Variants in ELL2 observed in about 807,000 individuals in gnomAD.
The protein encoded by ELL2 is elongation factor for RNA polymerase II 2, also known as RNA polymerase II elongation factor ELL2.
In ELL2, 21 loss-of-function variants were observed where a neutral mutation model predicts 72.8. The observed-to-expected ratio is 0.29, with a 90% CI of 0.20 to 0.42. ELL2 has a LOEUF of 0.42. Ranked by LOEUF, ELL2 falls within the 10% of genes least tolerant of loss-of-function variation. ELL2 has a pLI of 1.00. For missense variants in ELL2, 568 were observed against 772.8 expected (o/e 0.73, Z 3.14); for synonymous variants, 266 against 283.2 (o/e 0.94, Z 0.61).
rs530889872 is a variant in ELL2, at chr5:95,903,505, A to AGGGGTGAGCCACGG, written c.742-2439_742-2426dup. Among the ~76,000 whole-genome samples the AGGGGTGAGCCACGG allele has an allele frequency of 1.3e-4, 20 of 152,190 alleles. No individual in the cohort carries two copies. The East Asian group carries it at 2.9e-3, about 22-fold the overall frequency. ...CGGCCTCCTAAAGCGCTGGGATTACAGGGGTGAGCCACGGCGCCTGGCCTA... is the reference window on the plus strand; with the variant it reads ...CGGCCTCCTAAAGCGCTGGGATTACAGGGGTGAGCCACGGGGGGTGAGCCACGGCGCCTGGCCTA... On this transcript the variant is annotated intron_variant, in intron 5 of 11. Coordinates refer to ENST00000237853, the MANE Select transcript of ELL2 (RefSeq NM_012081.6).
intron 5 of ELL2, among the ~76,000 whole-genome samples, chr5:95,902,891 C>A (rs905259429): frequency 2.0e-5 from 3 of 152,048 alleles, no homozygotes; most frequent in Non-Finnish European, 4.4e-5. Flanking sequence ...AGGTGGTACT[C>A]CCACCTCAGC....
intron 1 of ELL2, among the ~76,000 whole-genome samples, chr5:95,954,734 C>T (rs996647303): frequency 3.3e-5 from 5 of 151,600 alleles, no homozygotes; most frequent in African/African-American, 1.2e-4. Flanking sequence ...GCCACTGCGC[C>T]CGGCCAATAT....
chr5:95,935,923 T>C (rs1467551175), intron 2 of ELL2, among the ~76,000 whole-genome samples: 1 of 152,208 alleles, frequency 6.6e-6, no homozygotes, highest in African/African-American at 2.4e-5. Flanking sequence ...TCTGACCACA[T>C]GACTCCCTGG....
At chr5:95,908,741 T>C (rs1213418772) in intron 4 of ELL2, among the ~76,000 whole-genome samples, 1 of 152,204 alleles carries the variant, frequency 6.6e-6, no homozygotes, top group Non-Finnish European at 1.5e-5. Flanking sequence ...TAATAGGAAA[T>C]ATTTTTTAAA....
chr5:95,888,793 T>C lies in ELL2; in HGVS notation c.*78A>G, dbSNP rs1026997178. On this transcript the variant is annotated 3_prime_UTR_variant, in exon 12 of 12. Transcript: ENST00000237853. The stretch of plus-strand genomic sequence containing the variant: ...TTCAACAGCCAAAGTTTCACCTTTT[T>C]AGAATCTAGAGCAACTCATTTGGAA... The C allele has an allele frequency of 9.8e-7, 1 of 1,025,252 alleles. No homozygotes were observed. Among genetic ancestry groups the C allele is most frequent in the African/African-American group, 1.7e-5 (1 of 59,866 alleles). The allele number at this position is 1,025,252 out of a possible 1,614,324, so 63.5% of individuals were successfully genotyped here.
At chr5:95,946,144 G>C (rs1050883604) in intron 1 of ELL2, among the ~76,000 whole-genome samples, 2 of 152,210 alleles carry the variant, frequency 1.3e-5, no homozygotes, top group Admixed American at 6.5e-5. Context: ...AATAGATGGA[G>C]AGAGATGGAT....
chr5:95,925,330 G>C (rs1461353459), intron 2 of ELL2, among the ~76,000 whole-genome samples: 1 of 152,152 alleles, frequency 6.6e-6, no homozygotes, highest in Admixed American at 6.5e-5. Flanking sequence ...ATAGATTAGG[G>C]ACAATGAGGC....
rs918948300 is a variant in ELL2 at position 95,931,438 on chromosome 5, T to G, written c.195+11564A>C. ...GATTCTAACACACACATGCCTTCCTTACTATAATGAGATGTTTTATTTTTG... is the reference window on the plus strand; with the variant it reads ...GATTCTAACACACACATGCCTTCCTGACTATAATGAGATGTTTTATTTTTG... On this transcript the variant is annotated intron_variant, in intron 2 of 11. Transcript: ENST00000237853. Among the ~76,000 whole-genome samples, 3 of 152,256 alleles carry G rather than the reference T, an allele frequency of 2.0e-5. No individual in the cohort carries two copies. The South Asian group carries it at 6.2e-4, about 32-fold the overall frequency.
chr5:95,908,969 CAAATAA>C (rs901934070), intron 4 of ELL2, among the ~76,000 whole-genome samples: 2 of 152,028 alleles, frequency 1.3e-5, no homozygotes, highest in African/African-American at 2.4e-5. Context: ...AGCAGCAAGG[CAAATAA>C]AAATAAAAAG....
At chr5:95,943,175 C>T in intron 1 of ELL2, 126 bp from the exon 2 acceptor site, 1 of 597,824 alleles carries the variant, frequency 1.7e-6, no homozygotes, top group Non-Finnish European at 2.6e-6. Flanking sequence ...AATCCCAGCA[C>T]TTTGGGAGGC....
In ELL2 at chr5:95,900,996, T is replaced by G. The variant is rs769756449; in HGVS notation, c.826A>C (p.Ser276Arg). ...KELQRDWPGY[S>R]EIDRRSLESV... is the part of the protein sequence containing the mutation. ...TCCAATGACCGTCTGTCTATTTCAC[T>G]GTATCCAGGCCAGTCTCTTTGAAGC... The change falls in exon 6 of 12, where the codon AGT becomes CGT. Residue 276 changes from serine to arginine, a missense_variant. Around this residue, in one of 2 missense-constraint regions of ELL2, gnomAD observed 511 missense variants for 728.4 expected, o/e 0.70. Transcript: ENST00000237853. 6.2e-7 allele frequency: 1 copy of G among 1,613,364 alleles called. No homozygotes were observed. The highest frequency in any genetic ancestry group is 8.5e-7 in the Non-Finnish European group (1 of 1,179,854).
Position 95,952,566 on chromosome 5 carries a change from G to A in ELL2, c.147+9009C>T, listed in dbSNP as rs139506800. Among the ~76,000 whole-genome samples the A allele has an allele frequency of 2.1e-3, 317 of 152,194 alleles. 3 individuals are homozygous for A. The highest frequency in any genetic ancestry group is 6.8e-3 in the African/African-American group (281 of 41,506). On this transcript the variant is annotated intron_variant, in intron 1 of 11. Transcript: ENST00000237853. ...GTAACACTTTTATAATTTCCTTTATGTCTGTACTTATTGAAATAGTTGATT... is the reference window on the plus strand; with the variant it reads ...GTAACACTTTTATAATTTCCTTTATATCTGTACTTATTGAAATAGTTGATT...
chr5:95,898,152 T>C, intron 8 of ELL2, 88 bp downstream of exon 8: 1 of 1,122,744 alleles, frequency 8.9e-7, no homozygotes, highest in Non-Finnish European at 1.2e-6. Context: ...AAATGAAACG[T>C]CATTTGCTAA....
intron 2 of ELL2, among the ~76,000 whole-genome samples, chr5:95,934,068 A>G (rs1327234337): frequency 6.6e-6 from 1 of 152,206 alleles, no homozygotes; most frequent in African/African-American, 2.4e-5. Flanking sequence ...CCTAATCTGA[A>G]AACTGACTTA....
At chr5:95,950,807 T>C (rs952908695) in intron 1 of ELL2, among the ~76,000 whole-genome samples, 6 of 150,352 alleles carry the variant, frequency 4.0e-5, no homozygotes, top group African/African-American at 1.5e-4. Flanking sequence ...AACATCTATT[T>C]AGCACAATCC....
intron 2 of ELL2, among the ~76,000 whole-genome samples, chr5:95,929,757 T>G (rs1476222337): frequency 7.0e-6 from 1 of 142,758 alleles, no homozygotes; most frequent in Non-Finnish European, 1.5e-5. Flanking sequence ...AAGGCAAAAA[T>G]AAATTACAAG....
intron 2 of ELL2, among the ~76,000 whole-genome samples, chr5:95,925,065 A>G (rs1372054566): frequency 1.3e-5 from 2 of 152,216 alleles, no homozygotes; most frequent in East Asian, 1.9e-4. Flanking sequence ...TTTCTACTCA[A>G]TATTGGATTG....
At chr5:95,945,650 G>A (rs1054765468) in intron 1 of ELL2, among the ~76,000 whole-genome samples, 3 of 152,298 alleles carry the variant, frequency 2.0e-5, no homozygotes, top group Non-Finnish European at 1.5e-5. Context: ...AGGACAGTAC[G>A]GGTTAGAACA....
intron 1 of ELL2, among the ~76,000 whole-genome samples, chr5:95,954,583 CT>C (rs768347567): frequency 4.1e-4 from 40 of 98,640 alleles, no homozygotes; most frequent in East Asian, 3.0e-3. Context: ...ATTTTCTTTT[CT>C]TTTTTTTTTT....
Sources: gnomAD v4.1 joint callset for allele counts (sites outside exome capture counted in the v4.1 genomes callset) on GRCh38, gnomAD v4.1.1 for gene constraint, gnomAD v4.1.1 regional missense constraint, MANE v1.5 for transcripts, NCBI Gene and HGNC (gene_info 2026-07-23, HGNC 2026-07-21) for gene names.